SCGB2B2: variants seen among roughly 807,000 people sequenced by gnomAD.
SCGB2B2 encodes secretoglobin-like protein.
SCGB2B2 carries 11 observed loss-of-function variants against 7.6 expected under a neutral mutation model. The ratio of observed to expected loss-of-function variants is 1.45; its 90% CI spans 0.91 to 2.40. The LOEUF (loss-of-function observed/expected upper bound fraction) is 2.40. Among genes scored for constraint, SCGB2B2 ranks in the 30% most tolerant of loss-of-function variants. The probability of loss-of-function intolerance (pLI) is 0.00; values close to 1 mark genes in which losing one functional copy is unlikely to be tolerated. For missense variants in SCGB2B2, 104 were observed against 115.4 expected (o/e 0.90, Z 0.45); for synonymous variants, 50 against 48.6 (o/e 1.03, Z -0.12).
chr19:34,658,070 C>T (rs9676321), intron 1 of SCGB2B2, among the ~76,000 whole-genome samples: 23,476 of 152,026 alleles, frequency 0.15, 1,912 homozygotes, highest in East Asian at 0.29. Context: ...GACAACATAC[C>T]AGAATCTCTG....
At chr19:34,614,498 C>T (rs2066017130) in intron 1 of SCGB2B2, among the ~76,000 whole-genome samples, 1 of 152,078 alleles carries the variant, frequency 6.6e-6, no homozygotes, top group Non-Finnish European at 1.5e-5. Flanking sequence ...ATTTCTGATT[C>T]ATATCATAAA....
intron 1 of SCGB2B2, among the ~76,000 whole-genome samples, chr19:34,657,657 C>T (rs2067318267): frequency 6.6e-6 from 1 of 152,162 alleles, no homozygotes; most frequent in Non-Finnish European, 1.5e-5. Flanking sequence ...TAATGGGAGA[C>T]TTTAACACCC....
intron 1 of SCGB2B2, among the ~76,000 whole-genome samples, chr19:34,609,805 A>G (rs980628744): frequency 1.3e-5 from 2 of 151,876 alleles, no homozygotes; most frequent in Non-Finnish European, 2.9e-5. Context: ...GGTTATTTGG[A>G]GTCTTTTGTG....
At chr19:34,669,714 TACACACAC>T (rs1555750462) in intron 1 of SCGB2B2, among the ~76,000 whole-genome samples, 1 of 139,498 alleles carries the variant, frequency 7.2e-6, no homozygotes, top group African/African-American at 2.7e-5. Flanking sequence ...TGCCCCCACT[TACACACAC>T]ACACACACGA....
At chr19:34,642,517 T>C (rs1399827838) in intron 1 of SCGB2B2, among the ~76,000 whole-genome samples, 2 of 151,912 alleles carry the variant, frequency 1.3e-5, no homozygotes, top group African/African-American at 4.8e-5. Context: ...AGTTCAAGAC[T>C]AGCCTGGCCA....
At chr19:34,619,745 G>A (rs2066189167) in intron 1 of SCGB2B2, among the ~76,000 whole-genome samples, 2 of 152,200 alleles carry the variant, frequency 1.3e-5, no homozygotes, top group African/African-American at 4.8e-5. Context: ...TAACTACTGA[G>A]CACAAGGTGA....
chr19:34,608,487 T>C (rs1487906137), intron 1 of SCGB2B2, among the ~76,000 whole-genome samples: 1 of 151,234 alleles, frequency 6.6e-6, no homozygotes, highest in African/African-American at 2.4e-5. Context: ...GTGACCATTA[T>C]TGTACACTCT....
chr19:34,673,932 G>A (rs1483169444), intron 1 of SCGB2B2, among the ~76,000 whole-genome samples: 2 of 152,160 alleles, frequency 1.3e-5, no homozygotes, highest in Non-Finnish European at 2.9e-5. Flanking sequence ...TAACGATGGG[G>A]CATTCACAAG....
Position 34,657,423 on chromosome 19 carries a change from A to G in SCGB2B2, c.-2032+18207T>C, listed in dbSNP as rs540427881. 7.3e-5 allele frequency among the ~76,000 whole-genome samples: 11 copies of G among 151,326 alleles called. 1 individual carries two copies. Among genetic ancestry groups the G allele is most frequent in the African/African-American group, 2.7e-4 (11 of 40,620 alleles). On this transcript the variant is annotated intron_variant, in intron 1 of 3. Transcript: ENST00000601241. ...GGAGGAAGATCTACCAAGCAAATGG[A>G]AAGCAAAAAAAAGCAGGGGTTGCAA...
At chr19:34,645,966 C>A in intron 1 of SCGB2B2, 1 of 305,108 alleles carries the variant, frequency 3.3e-6, no homozygotes, top group South Asian at 3.3e-5. Flanking sequence ...GGAGCTTGCT[C>A]AATACAACCC....
At chr19:34,668,387 C>G (rs188247382) in intron 1 of SCGB2B2, among the ~76,000 whole-genome samples, 1 of 152,332 alleles carries the variant, frequency 6.6e-6, no homozygotes, top group East Asian at 1.9e-4. Flanking sequence ...TGCCTTCCGG[C>G]GGGGCAGGGC....
Position 34,626,239 on chromosome 19 carries a change from C to T in SCGB2B2, c.-2031-29645G>A, listed in dbSNP as rs553946894. The stretch of plus-strand genomic sequence containing the variant: ...AAGGAATGAAGCTCCTCTCCAGCAA[C>T]GGAACAAAGATGGACGGAGAGTGAC... On this transcript the variant is annotated intron_variant, in intron 1 of 3. Transcript: ENST00000601241. Among the ~76,000 whole-genome samples, 14 of 152,242 alleles carry T rather than the reference C, an allele frequency of 9.2e-5. No individual in the cohort carries two copies. The South Asian group carries it at 1.0e-3, about 11-fold the overall frequency.
Position 34,594,129 on chromosome 19 carries a change from G to A in SCGB2B2, c.246+46C>T, listed in dbSNP as rs1234783655. The A allele has an allele frequency of 2.0e-6, 3 of 1,482,538 alleles. No homozygotes were observed. In the Admixed American group the frequency reaches 5.1e-5, roughly 25 times the overall value. 91.8% of individuals were successfully genotyped at this position (1,482,538 alleles called of 1,614,324 possible). On this transcript the variant is annotated intron_variant, in intron 3 of 3. Transcript: ENST00000601241. The stretch of plus-strand genomic sequence containing the variant: ...CAAGTGCAGGGAAGTGCAAGCCTGG[G>A]ACGTGTGGCCATGTAGTGTGTGCAG...
At chr19:34,636,066 G>A (rs1419212416) in intron 1 of SCGB2B2, among the ~76,000 whole-genome samples, 1 of 152,234 alleles carries the variant, frequency 6.6e-6, no homozygotes, top group Non-Finnish European at 1.5e-5. Flanking sequence ...CCTGCCTTAG[G>A]AGCCCTGACC....
chr19:34,593,419 C>A lies in SCGB2B2; in HGVS notation c.*136G>T. The A allele has an allele frequency of 1.5e-6, 1 of 663,992 alleles. No individual in the cohort carries two copies. Among genetic ancestry groups the A allele is most frequent in the South Asian group, 1.8e-5 (1 of 54,626 alleles). The allele number at this position is 663,992 out of a possible 1,614,324, so 41.1% of individuals were successfully genotyped here. On this transcript the variant is annotated 3_prime_UTR_variant, in exon 4 of 4. Coordinates refer to ENST00000601241, the MANE Select transcript of SCGB2B2 (RefSeq NM_001025591.4). ...GCATATGCGGTCACAGCCAACCCCA[C>A]ACAGATGCCAGAACACAGAACTGAG...
rs1382355563 is a variant in SCGB2B2 at position 34,592,520 on chromosome 19, T to TCTA, written c.*1034_*1035insTAG. Reference sequence around the variant, plus strand: ...GGAGAGGGAGGAGTCTAGGGCGGTGTGAGCTGATAGGGGTAGGCGACCACC... The same window carrying TCTA: ...GGAGAGGGAGGAGTCTAGGGCGGTGTCTAGAGCTGATAGGGGTAGGCGACCACC... On this transcript the variant is annotated 3_prime_UTR_variant, in exon 4 of 4. Coordinates refer to ENST00000601241, the MANE Select transcript of SCGB2B2 (RefSeq NM_001025591.4). Among the ~76,000 whole-genome samples, 2 of 151,690 alleles carry TCTA rather than the reference T, an allele frequency of 1.3e-5. No homozygotes were observed. Among genetic ancestry groups the TCTA allele is most frequent in the Non-Finnish European group, 2.9e-5 (2 of 67,908 alleles).
chr19:34,623,647 A>C (rs1016803711), intron 1 of SCGB2B2, among the ~76,000 whole-genome samples: 23 of 152,172 alleles, frequency 1.5e-4, no homozygotes, highest in Non-Finnish European at 2.5e-4. Flanking sequence ...ATGGTACCCC[A>C]GGGGCCCAGG....
At chr19:34,670,928 GGTTT>G (rs1490565654) in intron 1 of SCGB2B2, among the ~76,000 whole-genome samples, 6 of 152,118 alleles carry the variant, frequency 3.9e-5, no homozygotes, top group Non-Finnish European at 7.4e-5. Context: ...CTTTGTGGCT[GGTTT>G]GTTTGTTTTG....
intron 1 of SCGB2B2, among the ~76,000 whole-genome samples, chr19:34,614,092 CT>C (rs2066005187): frequency 6.7e-6 from 1 of 148,358 alleles, no homozygotes; most frequent in South Asian, 2.1e-4. Flanking sequence ...TAATGTGCCA[CT>C]GGGAGGAACT....
Sources: allele counts gnomAD v4.1 joint callset (sites outside exome capture counted in the v4.1 genomes callset), GRCh38; gene constraint gnomAD v4.1.1; transcripts MANE v1.5; gene names NCBI Gene and HGNC (gene_info 2026-07-23, HGNC 2026-07-21).